The following CCDC154 variants were observed in gnomAD, a reference collection of about 807,000 sequenced individuals.
CCDC154 encodes the protein coiled-coil domain containing 154, also known as coiled-coil domain-containing protein 154.
A neutral mutation model predicts 87.5 loss-of-function variants in CCDC154; 91 were observed. The ratio of observed to expected loss-of-function variants is 1.04; its 90% CI spans 0.88 to 1.24. CCDC154 has a LOEUF of 1.24. Among genes scored for constraint, CCDC154 ranks in the 50% most tolerant of loss-of-function variants. The probability of loss-of-function intolerance (pLI) is 0.00; values close to 1 mark genes in which losing one functional copy is unlikely to be tolerated. For synonymous variants in CCDC154, 418 were observed against 400.4 expected, an observed-to-expected ratio of 1.04 and a Z score of -0.52; for missense variants, 903 against 879.2, an observed-to-expected ratio of 1.03 and a Z score of -0.34.
rs2038479328 is a variant in CCDC154, at chr16:1,434,446, C to T, written c.1966G>A (p.Val656Met). 1 of 1,550,304 alleles carries T rather than the reference C, an allele frequency of 6.5e-7. No homozygotes were observed. ...AACAGTGAGGGTGTGAGCTGCTGCA[C>T]CTGCTCCTGGCTGTGGGGCTTCTCC... ...VLEKPHSQEQ[V>M]QQLTPSLFIQ... The change falls in exon 17 of 17, where the codon GTG (valine) becomes ATG (methionine). Residue 656 changes from valine (V) to methionine (M), a missense_variant. Coordinates refer to ENST00000389176, the MANE Select transcript of CCDC154 (RefSeq NM_001143980.3).
rs769001397 is a variant in CCDC154 at position 1,443,825 on chromosome 16, G to A, written c.195C>T (p.Thr65=). 6.1e-6 allele frequency: 8 copies of A among 1,304,614 alleles called. No homozygotes were observed. Among genetic ancestry groups the A allele is most frequent in the Admixed American group, 2.3e-5 (1 of 43,588 alleles). 80.8% of individuals were successfully genotyped at this position (1,304,614 alleles called of 1,614,324 possible). A position where few individuals can be genotyped will look rare whatever the true frequency, so the allele number is the denominator to read the frequency against. ...TSTASVPEQD[T]AKHWNQLEQW... is the part of the protein sequence containing the mutation. ...GCTCCAGCTGGTTCCAGTGCTTGGC[G>A]GTGTCCTGCTCGGGGACAGAGGCCG... Residue 65 remains threonine, a synonymous_variant, in exon 2 of 17, where the codon ACC becomes ACT. Transcript: ENST00000389176.
rs1426911127 is a variant in CCDC154 at position 1,442,546 on chromosome 16, T to G, written c.552-17A>C. The G allele has an allele frequency of 1.4e-5, 22 of 1,521,454 alleles. No homozygotes were observed. In the East Asian group the frequency reaches 5.2e-4, roughly 36 times the overall value. The allele number at this position is 1,521,454 out of a possible 1,614,324, so 94.2% of individuals were successfully genotyped here. A position where few individuals can be genotyped will look rare whatever the true frequency, so the allele number is the denominator to read the frequency against. On this transcript the variant is annotated splice_polypyrimidine_tract_variant and intron_variant, in intron 5 of 16. Transcript: ENST00000389176. ...TTGGCCAGTCTAGAGAAGTCGGCTG[T>G]GGTCACACCAGCCCAGCTGGCCGGA...
At position 1,438,368 on chromosome 16, in the gene CCDC154, C is replaced by T. The variant is rs559035626; in HGVS notation, c.1026-192G>A. On this transcript the variant is annotated intron_variant, in intron 9 of 16. Transcript: ENST00000389176. ...CACCAAGATGGGCGTTCACTCCCCA[C>T]GGCCACCAAGACAGGGGTTCCCTCC... 2.1e-5 allele frequency: 17 copies of T among 800,332 alleles called. No individual in the cohort carries two copies. The East Asian group carries it at 2.2e-4, about 10-fold the overall frequency. 49.6% of individuals were successfully genotyped at this position (800,332 alleles called of 1,614,324 possible). A position where few individuals can be genotyped will look rare whatever the true frequency, so the allele number is the denominator to read the frequency against.
Position 1,442,880 on chromosome 16 carries a change from C to G in CCDC154, c.551G>C (p.Arg184Thr). 8 of 1,548,768 alleles carry G rather than the reference C, an allele frequency of 5.2e-6. No homozygotes were observed. The highest frequency in any genetic ancestry group is 7.0e-6 in the Non-Finnish European group (8 of 1,146,520). ...RRGAEQEAGL[R>T]LAKLTDLLQQ... ...CCAGCCACGGGCGGTGGGCGCCCAC[C>G]TGAGGCCGGCCTCTTGCTCGGCGCC... The change falls in exon 5 of 17, where the codon AGA becomes ACA. Residue 184 changes from arginine (R) to threonine (T), a missense_variant and splice_region_variant. By Grantham distance (71) the Arg-to-Thr change is moderately conservative (BLOSUM62 -1). Coordinates refer to ENST00000389176, the MANE Select transcript of CCDC154 (RefSeq NM_001143980.3).
In CCDC154 at chr16:1,442,429, C is replaced by G. The variant is rs1250385819; in HGVS notation, c.652G>C (p.Asp218His). ...ACCTGCATTCTGGCCACCTCCAGGT[C>G]CACCCTCCGGCTGCTGTCCTCTTGG... is the stretch of plus-strand genomic sequence containing the variant. Reference protein sequence around the residue: ...KNQEDSSRRVDLEVARMQAQV... With the variant: ...KNQEDSSRRVHLEVARMQAQV... Residue 218 changes from aspartate to histidine, a missense_variant, in exon 6 of 17, where the codon GAC becomes CAC. Coordinates refer to ENST00000389176, the MANE Select transcript of CCDC154 (RefSeq NM_001143980.3). 1 of 1,549,638 alleles carries G rather than the reference C, an allele frequency of 6.5e-7. No homozygotes were observed. The highest frequency in any genetic ancestry group is 2.4e-5 in the East Asian group (1 of 40,880).
Position 1,438,815 on chromosome 16 carries a change from C to G in CCDC154, c.906G>C (p.Glu302Asp), listed in dbSNP as rs1041573077. 6.5e-7 allele frequency: 1 copy of G among 1,542,696 alleles called. No homozygotes were observed. Among genetic ancestry groups the G allele is most frequent in the Non-Finnish European group, 8.7e-7 (1 of 1,144,094 alleles). ...ERLRALQGQH[E>D]ESHLLEQCQG... is the part of the protein sequence containing the mutation. ...CTGCCCGCCGCCCGCCCGGCCCCAC[C>G]TCATGCTGCCCCTGCAGGGCCCGCA... Residue 302 changes from glutamate (E) to aspartate (D), a missense_variant and splice_region_variant, in exon 8 of 17, where the codon GAG (glutamate) becomes GAC (aspartate). Transcript: ENST00000389176.
chr16:1,435,889 T>A, intron 14 of CCDC154, 80 bp downstream of exon 14: 1 of 1,220,058 alleles, frequency 8.2e-7, no homozygotes, highest in Non-Finnish European at 1.2e-6. Context: ...CTGGGGGTCC[T>A]GCCTCTCCGC....
At position 1,442,896 on chromosome 16, in the gene CCDC154, G is replaced by C. The variant is rs567595349; in HGVS notation, c.535C>G (p.Gln179Glu). 4 of 1,549,322 alleles carry C rather than the reference G, an allele frequency of 2.6e-6. No individual in the cohort carries two copies. The African/African-American group carries it at 5.5e-5, about 21-fold the overall frequency. ...GGCGCCCACCTGAGGCCGGCCTCTT[G>C]CTCGGCGCCCCTTCTCTCCGCCTCC... ...QQEAERRGAEQEAGLRLAKLT... is the reference protein window; with the variant it reads ...QQEAERRGAEEEAGLRLAKLT... The change falls in exon 5 of 17, where the codon CAA becomes GAA. Residue 179 changes from glutamine (Q) to glutamate (E), a missense_variant. Transcript: ENST00000389176.
chr16:1,434,608 C>G lies in CCDC154; in HGVS notation c.1877+60G>C, dbSNP rs1189522057. On this transcript the variant is annotated intron_variant, in intron 16 of 16. Coordinates refer to ENST00000389176, the MANE Select transcript of CCDC154 (RefSeq NM_001143980.3). Reference sequence around the variant, plus strand: ...ATGGCCCACCTGCTGCCTGTGGGCCCCCAGCCCTGAACCCCGGCCCAAAGG... The same window carrying G: ...ATGGCCCACCTGCTGCCTGTGGGCCGCCAGCCCTGAACCCCGGCCCAAAGG... 2.6e-6 allele frequency: 4 copies of G among 1,530,468 alleles called. No homozygotes were observed. In the African/African-American group the frequency reaches 5.5e-5, roughly 21 times the overall value. The allele number at this position is 1,530,468 out of a possible 1,614,324, so 94.8% of individuals were successfully genotyped here. A position where few individuals can be genotyped will look rare whatever the true frequency, so the allele number is the denominator to read the frequency against.
At chr16:1,437,643 C>T (rs1328772700) in intron 11 of CCDC154, 174 bp downstream of exon 11, 1 of 774,520 alleles carries the variant, frequency 1.3e-6, no homozygotes, top group South Asian at 2.2e-5. Flanking sequence ...TCCTGCCCCA[C>T]ACAGGAGTCT....
chr16:1,440,527 G>T (rs1393749334), intron 6 of CCDC154, among the ~76,000 whole-genome samples: 1 of 145,510 alleles, frequency 6.9e-6, no homozygotes, highest in African/African-American at 2.5e-5. Flanking sequence ...AGAGAAAAAA[G>T]AAAAGAAAGG....
rs556907717 is a variant in CCDC154, at chr16:1,440,744, A to T, written c.676-1618T>A. Among the ~76,000 whole-genome samples the T allele has an allele frequency of 5.3e-5, 8 of 152,004 alleles. No individual in the cohort carries two copies. The East Asian group carries it at 1.6e-3, about 30-fold the overall frequency. On this transcript the variant is annotated intron_variant, in intron 6 of 16. Transcript: ENST00000389176. Reference sequence around the variant, plus strand: ...GATGGGCAGATCACGAGGTCAGGAGATCGAGACCATCCTAGCTAACACAGT... The same window carrying T: ...GATGGGCAGATCACGAGGTCAGGAGTTCGAGACCATCCTAGCTAACACAGT...
intron 1 of CCDC154, 64 bp from the exon 2 acceptor site, chr16:1,444,076 C>T (rs1421112122): frequency 8.2e-7 from 1 of 1,222,696 alleles, no homozygotes; most frequent in Non-Finnish European, 1.1e-6. Flanking sequence ...CTTACGGGAA[C>T]AAGGCCCCAA....
At position 1,443,819 on chromosome 16, in the gene CCDC154, C is replaced by T. The variant is rs1441026649; in HGVS notation, c.201G>A (p.Lys67=). The stretch of plus-strand genomic sequence containing the variant: ...ACCACTGCTCCAGCTGGTTCCAGTG[C>T]TTGGCGGTGTCCTGCTCGGGGACAG... ...TASVPEQDTA[K]HWNQLEQWVV... The change falls in exon 2 of 17, where the codon AAG becomes AAA. Residue 67 remains lysine, a synonymous_variant. Coordinates refer to ENST00000389176, the MANE Select transcript of CCDC154 (RefSeq NM_001143980.3). 4 of 1,304,712 alleles carry T rather than the reference C, an allele frequency of 3.1e-6. No homozygotes were observed. The highest frequency in any genetic ancestry group is 4.0e-6 in the Non-Finnish European group (4 of 989,366). 80.8% of individuals were successfully genotyped at this position (1,304,712 alleles called of 1,614,324 possible).
Position 1,435,115 on chromosome 16 carries a change from G to C in CCDC154, c.1666C>G (p.Leu556Val). ...AGCCGGGCCTCAGTGTTGAACCTGA[G>C]GTTCTGGATGGTCTTGTTGGCCTGG... ...CVQANKTIQN[L>V]RFNTEARLRT... The change falls in exon 15 of 17, where the codon CTC (leucine) becomes GTC (valine). Residue 556 changes from leucine to valine, a missense_variant. Transcript: ENST00000389176. 1 of 1,550,146 alleles carries C rather than the reference G, an allele frequency of 6.5e-7. No individual in the cohort carries two copies. Among genetic ancestry groups the C allele is most frequent in the South Asian group, 1.2e-5 (1 of 84,052 alleles).
At chr16:1,436,334 G>T in intron 13 of CCDC154, 111 bp downstream of exon 13, 1 of 1,049,946 alleles carries the variant, frequency 9.5e-7, no homozygotes, top group Non-Finnish European at 1.4e-6. Context: ...GGCTCAGGGG[G>T]AACAGGTCTG....
intron 12 of CCDC154, 83 bp downstream of exon 12, chr16:1,436,609 G>A: frequency 6.5e-7 from 1 of 1,546,094 alleles, no homozygotes; most frequent in Non-Finnish European, 8.7e-7. Context: ...GAGGGAGGAG[G>A]GGAGAGGACA....
At position 1,435,951 on chromosome 16, in the gene CCDC154, G is replaced by A. The variant is rs931920613; in HGVS notation, c.1605+18C>T. 15 of 1,542,488 alleles carry A rather than the reference G, an allele frequency of 9.7e-6. No individual in the cohort carries two copies. The highest frequency in any genetic ancestry group is 7.2e-5 in the South Asian group (6 of 83,894). Reference sequence around the variant, plus strand: ...CTCCCCCTCTCTCCCAGCTGGGTGCGGGCAGCCCCAGGACTACCGTGGCCA... The same window carrying A: ...CTCCCCCTCTCTCCCAGCTGGGTGCAGGCAGCCCCAGGACTACCGTGGCCA... On this transcript the variant is annotated intron_variant, in intron 14 of 16. Coordinates refer to ENST00000389176, the MANE Select transcript of CCDC154 (RefSeq NM_001143980.3).
At chr16:1,436,152 A>G (rs2038499948) in intron 13 of CCDC154, 66 bp from the exon 14 acceptor site, 2 of 1,323,122 alleles carry the variant, frequency 1.5e-6, no homozygotes, top group Non-Finnish European at 2.1e-6. Flanking sequence ...GACCGGGGAC[A>G]AAGGCCACTC....
Sources: allele counts gnomAD v4.1 joint callset (sites outside exome capture counted in the v4.1 genomes callset), GRCh38; gene constraint gnomAD v4.1.1; transcripts MANE v1.5; gene names NCBI Gene and HGNC (gene_info 2026-07-23, HGNC 2026-07-21).